FRMD7: variants seen among roughly 807,000 people sequenced by gnomAD.
FRMD7 encodes FERM domain containing 7, also known as FERM domain-containing protein 7.
A neutral mutation model predicts 44.1 loss-of-function variants in FRMD7; 14 were observed. The observed-to-expected ratio is 0.32, with a 90% confidence interval of 0.21 to 0.50. FRMD7 has a LOEUF of 0.50. Ranked by LOEUF, FRMD7 falls within the 20% of genes least tolerant of loss-of-function variation. The pLI is 0.99. For missense variants in FRMD7, 501 were observed against 522.3 expected, an observed-to-expected ratio of 0.96 and a Z score of 0.40; for synonymous variants, 212 against 187.4, an observed-to-expected ratio of 1.13 and a Z score of -1.07.
intron 3 of FRMD7, 90 bp downstream of exon 3, chrX:132,099,377 TA>T: frequency 1.4e-6 from 1 of 717,703 alleles, no homozygotes; most frequent in Non-Finnish European, 2.2e-6. Flanking sequence ...TTTCTCCCCT[TA>T]TATTAAAATG....
intron 8 of FRMD7, among the ~76,000 whole-genome samples, chrX:132,083,489 G>T (rs1180411808): frequency 9.0e-6 from 1 of 110,761 alleles, no homozygotes; most frequent in Admixed American, 9.7e-5. Context: ...TCCTTTCCAG[G>T]TTCCTGCATG....
At chrX:132,081,528 G>A (rs1569340380) in intron 9 of FRMD7, among the ~76,000 whole-genome samples, 1 of 112,614 alleles carries the variant, frequency 8.9e-6, no homozygotes. Context: ...TAAGAAAGGG[G>A]CAAAATATGC....
At chrX:132,092,057 A>T (rs1231327584) in intron 5 of FRMD7, among the ~76,000 whole-genome samples, 1 of 111,832 alleles carries the variant, frequency 8.9e-6, no homozygotes, top group Non-Finnish European at 1.9e-5. Context: ...TGTGAGCTCC[A>T]CAAGGGCAAG....
chrX:132,122,525 C>T (rs1929060210), intron 1 of FRMD7, among the ~76,000 whole-genome samples: 1 of 112,414 alleles, frequency 8.9e-6, no homozygotes, highest in Non-Finnish European at 1.9e-5. Context: ...TCATTTAGAT[C>T]CTTTCTCACA....
chrX:132,127,683 A>G, intron 1 of FRMD7, 105 bp downstream of exon 1: 1 of 640,932 alleles, frequency 1.6e-6, no homozygotes, highest in Non-Finnish European at 2.7e-6. Flanking sequence ...GTCCTCCTTC[A>G]TTCAGTCCTA....
At position 132,084,457 on chromosome X, in the gene FRMD7, G is replaced by A. The variant is rs749276170; in HGVS notation, c.741+33C>T. 1.4e-4 allele frequency: 129 copies of A among 896,842 alleles called. No homozygotes were observed. The Admixed American group carries it at 2.8e-3, about 19-fold the overall frequency. 73.9% of individuals were successfully genotyped at this position (896,842 alleles called of 1,213,427 possible). ...CAACCAAAAAAATTCCCAGTGAACA[G>A]AAAGTAAACGAATTTATTAGAAAGC... On this transcript the variant is annotated intron_variant, in intron 8 of 11. Transcript: ENST00000298542.
chrX:132,109,038 A>G (rs999868631), intron 1 of FRMD7, among the ~76,000 whole-genome samples: 8 of 112,043 alleles, frequency 7.1e-5, no homozygotes, highest in Non-Finnish European at 1.1e-4. Flanking sequence ...CATTTGCACC[A>G]TCTGAGGGGT....
chrX:132,095,079 T>C (rs1307988757), intron 4 of FRMD7, among the ~76,000 whole-genome samples: 1 of 100,729 alleles, frequency 9.9e-6, no homozygotes, highest in Non-Finnish European at 2.0e-5. Context: ...TATTTATTTA[T>C]TTATTTATTT....
rs1329598879 is a variant in FRMD7 at position 132,090,645 on chromosome X, C to CA, written c.382+3396dup. ...AAACTGGATTGCGGTAATGCTTGCA[C>CA]AACTCTGTAAATTTGCTAAAAATCA... On this transcript the variant is annotated intron_variant, in intron 5 of 11. Coordinates refer to ENST00000298542, the MANE Select transcript of FRMD7 (RefSeq NM_194277.3). Among the ~76,000 whole-genome samples the CA allele has an allele frequency of 2.7e-5, 3 of 111,131 alleles. No individual in the cohort carries two copies. The East Asian group carries it at 8.5e-4, about 32-fold the overall frequency.
chrX:132,103,221 C>T (rs966478919), intron 1 of FRMD7, among the ~76,000 whole-genome samples: 2 of 111,971 alleles, frequency 1.8e-5, no homozygotes, highest in Non-Finnish European at 1.9e-5. Flanking sequence ...CCATTATGAT[C>T]GAATTTCTCA....
chrX:132,097,432 C>T, intron 3 of FRMD7, 88 bp from the exon 4 acceptor site: 1 of 591,594 alleles, frequency 1.7e-6, no homozygotes, highest in Non-Finnish European at 3.0e-6. Context: ...CACACACCCA[C>T]ACACACACCG....
chrX:132,082,363 C>T lies in FRMD7; in HGVS notation c.905G>A (p.Ser302Asn). Reference sequence around the variant, plus strand: ...TTGCCTATGTGCATTGTTTAATTACCTATAGCGGAAACTGGAACCCTTGCT... The same window carrying T: ...TTGCCTATGTGCATTGTTTAATTACTTATAGCGGAAACTGGAACCCTTGCT... ...LCSKGSSFRY[S>N]GRTQRQLLEY... The change falls in exon 9 of 12, where the codon AGT becomes AAT. Residue 302 changes from serine (S) to asparagine (N), a missense_variant and splice_region_variant. Physicochemically the swap from Ser to Asn is conservative, Grantham distance 46. Around this residue, in one of 3 missense-constraint regions of FRMD7, gnomAD observed 453 missense variants for 452.7 expected, o/e 1.00. Transcript: ENST00000298542. 2 of 1,207,229 alleles carry T rather than the reference C, an allele frequency of 1.7e-6. No homozygotes were observed. Among genetic ancestry groups the T allele is most frequent in the Middle Eastern group, 2.4e-4 (1 of 4,249 alleles).
intron 8 of FRMD7, among the ~76,000 whole-genome samples, chrX:132,083,049 C>G (rs1299317459): frequency 1.8e-5 from 2 of 112,013 alleles, no homozygotes; most frequent in Non-Finnish European, 3.8e-5. Context: ...CTCCTGGGCT[C>G]AAGCAGTCTT....
rs772551109 is a variant in FRMD7, at chrX:132,086,204, G to A, written c.383-170C>T. ...TTTATGTTTCTATAGGGGTGTGTGT[G>A]TTTGGGGGGGGCAATTGGCTCTTTT... On this transcript the variant is annotated intron_variant, in intron 5 of 11. Coordinates refer to ENST00000298542, the MANE Select transcript of FRMD7 (RefSeq NM_194277.3). Among the ~76,000 whole-genome samples, 16 of 108,845 alleles carry A rather than the reference G, an allele frequency of 1.5e-4. No homozygotes were observed. The South Asian group carries it at 2.0e-3, about 14-fold the overall frequency. The allele number at this position is 108,845 out of a possible 115,157, so 94.5% of individuals were successfully genotyped here.
rs764824615 is a variant in FRMD7, at chrX:132,086,046, GA to G, written c.383-13del. On this transcript the variant is annotated splice_polypyrimidine_tract_variant and intron_variant, in intron 5 of 11. Transcript: ENST00000298542. Reference sequence around the variant, plus strand: ...GTCTCCAAGTTCTGCTGCATGACAGGAAAAAGACATTTTTCACATTACCTTT... The same window carrying G: ...GTCTCCAAGTTCTGCTGCATGACAGGAAAAGACATTTTTCACATTACCTTT... 4.7e-6 allele frequency: 5 copies of G among 1,055,826 alleles called. No homozygotes were observed. The South Asian group carries it at 5.6e-5, about 12-fold the overall frequency. The allele number at this position is 1,055,826 out of a possible 1,213,427, so 87.0% of individuals were successfully genotyped here. A position where few individuals can be genotyped will look rare whatever the true frequency, so the allele number is the denominator to read the frequency against.
chrX:132,099,452 G>A lies in FRMD7; in HGVS notation c.205+16C>T. 8.4e-7 allele frequency: 1 copy of A among 1,183,770 alleles called. No homozygotes were observed. The highest frequency in any genetic ancestry group is 1.1e-6 in the Non-Finnish European group (1 of 873,322). On this transcript the variant is annotated intron_variant, in intron 3 of 11. Transcript: ENST00000298542. ...TAACTGTGAACTCTCTTCCTTAAAT[G>A]ATTTTCCATACTTACTTTTTACCTG...
chrX:132,107,126 G>T (rs2064470), intron 1 of FRMD7, among the ~76,000 whole-genome samples: 6,896 of 111,963 alleles, frequency 0.062, 209 homozygotes, highest in Non-Finnish European at 0.097. Flanking sequence ...GGAAAAGATA[G>T]ATTGGAAGGA....
chrX:132,081,438 C>T (rs1172255972), intron 9 of FRMD7, among the ~76,000 whole-genome samples: 1 of 113,027 alleles, frequency 8.8e-6, no homozygotes, highest in Non-Finnish European at 1.9e-5. Context: ...CCTTGACATG[C>T]ATCCCCTGCC....
intron 4 of FRMD7, among the ~76,000 whole-genome samples, chrX:132,096,004 T>C (rs1602813849): frequency 8.9e-6 from 1 of 112,321 alleles, no homozygotes; most frequent in Non-Finnish European, 1.9e-5. Context: ...TATCATCACA[T>C]TGATTTTCCC....
Sources: gnomAD v4.1 joint callset for allele counts (sites outside exome capture counted in the v4.1 genomes callset) on GRCh38, gnomAD v4.1.1 for gene constraint, gnomAD v4.1.1 regional missense constraint, MANE v1.5 for transcripts, NCBI Gene and HGNC (gene_info 2026-07-23, HGNC 2026-07-21) for gene names.